Variants in CTNNA3 observed in about 807,000 individuals in gnomAD.
CTNNA3 encodes catenin alpha 3, also known as catenin alpha-3.
Under a neutral mutation model 95.7 loss-of-function variants are expected in CTNNA3, and 76 were observed. That is an observed-to-expected ratio of 0.79 (90% CI 0.66 to 0.96). The LOEUF is 0.96. CTNNA3 is among the 40% of genes least tolerant of loss of function. CTNNA3 has a pLI of 0.00. For missense variants in CTNNA3, 1,191 were observed against 1,089.8 expected (o/e 1.09, Z -1.31); for synonymous variants, 431 against 374.4 (o/e 1.15, Z -1.74).
chr10:66,416,613 A>C (rs1322852469), intron 11 of CTNNA3, among the ~76,000 whole-genome samples: 1 of 151,960 alleles, frequency 6.6e-6, no homozygotes, highest in African/African-American at 2.4e-5. Flanking sequence ...ACAAGAGAAA[A>C]TTTATCAGTA....
intron 7 of CTNNA3, among the ~76,000 whole-genome samples, chr10:66,991,143 T>A (rs1851015195): frequency 6.6e-6 from 1 of 152,174 alleles, no homozygotes. Context: ...GTTTTGTAAA[T>A]GAGCAGCACT....
chr10:66,790,214 C>A (rs1840915117), intron 7 of CTNNA3, among the ~76,000 whole-genome samples: 1 of 152,030 alleles, frequency 6.6e-6, no homozygotes, highest in African/African-American at 2.4e-5. Context: ...TTTGGGGTGC[C>A]CAGGCGGGTG....
At chr10:67,036,291 CAG>C (rs1337813580) in intron 7 of CTNNA3, among the ~76,000 whole-genome samples, 1 of 151,016 alleles carries the variant, frequency 6.6e-6, no homozygotes, top group African/African-American at 2.4e-5. Flanking sequence ...TTTTTTGAGA[CAG>C]AGTTTTGCTC....
chr10:66,645,545 TG>T (rs1845678799), intron 9 of CTNNA3, among the ~76,000 whole-genome samples: 1 of 152,156 alleles, frequency 6.6e-6, no homozygotes, highest in Non-Finnish European at 1.5e-5. Context: ...GGGATATTTA[TG>T]GGTCCCCTAT....
At chr10:66,134,672 T>A (rs1024179102) in intron 13 of CTNNA3, among the ~76,000 whole-genome samples, 20 of 152,180 alleles carry the variant, frequency 1.3e-4, no homozygotes, top group African/African-American at 4.3e-4. Context: ...AAGATGCAGG[T>A]GTGAATGGAT....
chr10:66,551,998 G>A (rs1842233787), intron 10 of CTNNA3, among the ~76,000 whole-genome samples: 1 of 150,940 alleles, frequency 6.6e-6, no homozygotes, highest in Non-Finnish European at 1.5e-5. Context: ...CTGCCTCCTG[G>A]GTTCAAGCTG....
At chr10:66,073,400 T>A (rs2080482113) in intron 14 of CTNNA3, among the ~76,000 whole-genome samples, 1 of 152,120 alleles carries the variant, frequency 6.6e-6, no homozygotes, top group South Asian at 2.1e-4. Flanking sequence ...GCTATGAAGA[T>A]TACTTCCAAA....
At chr10:65,970,328 A>T (rs1356168433) in intron 16 of CTNNA3, among the ~76,000 whole-genome samples, 1 of 152,128 alleles carries the variant, frequency 6.6e-6, no homozygotes, top group African/African-American at 2.4e-5. Context: ...ACAAAAACAC[A>T]AGTACAGAGC....
intron 13 of CTNNA3, among the ~76,000 whole-genome samples, chr10:66,233,395 A>G (rs2089689056): frequency 6.6e-6 from 1 of 152,118 alleles, no homozygotes. Flanking sequence ...ACAGTAAGCC[A>G]CAGAGTAGAA....
intron 5 of CTNNA3, among the ~76,000 whole-genome samples, chr10:67,487,143 C>T (rs906365642): frequency 6.6e-6 from 1 of 152,182 alleles, no homozygotes; most frequent in Admixed American, 6.5e-5. Context: ...GCCACTCCAG[C>T]ACTTGGATCC....
At chr10:66,498,543 G>C (rs902663229) in intron 11 of CTNNA3, among the ~76,000 whole-genome samples, 4 of 152,002 alleles carry the variant, frequency 2.6e-5, no homozygotes, top group Non-Finnish European at 4.4e-5. Flanking sequence ...CCCACATTTC[G>C]TATCACTTGT....
chr10:65,967,617 G>A (rs1266973746), intron 16 of CTNNA3, among the ~76,000 whole-genome samples: 1 of 152,150 alleles, frequency 6.6e-6, no homozygotes, highest in Non-Finnish European at 1.5e-5. Flanking sequence ...CCAAGAAACA[G>A]ACAGGACACA....
intron 11 of CTNNA3, among the ~76,000 whole-genome samples, chr10:66,501,429 G>A (rs1471969379): frequency 1.3e-5 from 2 of 152,100 alleles, no homozygotes; most frequent in African/African-American, 4.8e-5. Flanking sequence ...GTAATTATCA[G>A]GTGAGGGCTT....
At chr10:66,175,567 C>T (rs995788074) in intron 13 of CTNNA3, among the ~76,000 whole-genome samples, 2 of 152,042 alleles carry the variant, frequency 1.3e-5, no homozygotes, top group African/African-American at 4.8e-5. Flanking sequence ...ACACAAATAA[C>T]AAAAGGGTAG....
chr10:66,457,501 G>A (rs2093502351), intron 11 of CTNNA3, among the ~76,000 whole-genome samples: 2 of 151,784 alleles, frequency 1.3e-5, no homozygotes, highest in Admixed American at 6.6e-5. Context: ...TACTATTCCT[G>A]GGAATTTACT....
intron 7 of CTNNA3, chr10:67,177,004 G>A: frequency 2.1e-6 from 1 of 486,260 alleles, no homozygotes; most frequent in Non-Finnish European, 4.1e-6. Flanking sequence ...AGAAATTTGT[G>A]TGGTTTAAGA....
intron 14 of CTNNA3, among the ~76,000 whole-genome samples, chr10:66,081,226 T>C (rs781273323): frequency 6.6e-6 from 1 of 152,168 alleles, no homozygotes; most frequent in Non-Finnish European, 1.5e-5. Context: ...GCAAGTAGAA[T>C]TCAGCTAGAA....
chr10:66,849,784 G>C (rs765697049), intron 7 of CTNNA3, among the ~76,000 whole-genome samples: 1 of 152,138 alleles, frequency 6.6e-6, no homozygotes, highest in Non-Finnish European at 1.5e-5. Context: ...TCCAAACTCA[G>C]AGGAAAAGAT....
chr10:67,457,645 T>G (rs1188826227), intron 5 of CTNNA3, among the ~76,000 whole-genome samples: 1 of 152,176 alleles, frequency 6.6e-6, no homozygotes, highest in Non-Finnish European at 1.5e-5. Flanking sequence ...TTAGGCCGCA[T>G]GGGCTAAAAT....
Sources: gnomAD v4.1 joint callset for allele counts (sites outside exome capture counted in the v4.1 genomes callset) on GRCh38, gnomAD v4.1.1 for gene constraint, MANE v1.5 for transcripts, NCBI Gene and HGNC (gene_info 2026-07-23, HGNC 2026-07-21) for gene names.